PLEKHG4B: variants seen among roughly 807,000 people sequenced by gnomAD.
PLEKHG4B encodes the protein pleckstrin homology domain-containing family G member 4B.
PLEKHG4B carries 111 observed loss-of-function variants against 121.3 expected under a neutral mutation model. That is an observed-to-expected ratio of 0.92 (90% confidence interval 0.78 to 1.07). The LOEUF (loss-of-function observed/expected upper bound fraction) is 1.07, where lower values mean the gene tolerates loss of function less well. PLEKHG4B is among the 50% of genes least tolerant of loss of function. The pLI, the probability that PLEKHG4B is intolerant of heterozygous loss-of-function variation, is 0.00. For synonymous variants in PLEKHG4B, 738 were observed against 725.0 expected, an observed-to-expected ratio of 1.02 and a Z score of -0.29; for missense variants, 1,831 against 1,757.8, an observed-to-expected ratio of 1.04 and a Z score of -0.74.
At chr5:179,432 A>G (rs1579333876) in intron 18 of PLEKHG4B, 1 of 152,662 alleles carries the variant, frequency 6.6e-6, no homozygotes, top group Non-Finnish European at 1.5e-5. Flanking sequence ...GCACTGTCCC[A>G]CATGCTGAGG....
At position 159,215 on chromosome 5, in the gene PLEKHG4B, C is replaced by A. The variant is rs1279823730; in HGVS notation, c.2487+2304C>A. On this transcript the variant is annotated intron_variant, in intron 11 of 19. Coordinates refer to ENST00000637938, the MANE Select transcript of PLEKHG4B (RefSeq NM_052909.5). This position sits in a 1 kb window ranked among gnomAD's most constrained non-coding sequence, Gnocchi z 5.5. ...GTGCCTGAGGGTGGCCCAGGTGTGC[C>A]TGAGGGTCGCCCAGGTGCACTGAGG... is the stretch of plus-strand genomic sequence containing the variant. Among the ~76,000 whole-genome samples the A allele has an allele frequency of 8.2e-6, 1 of 122,008 alleles. No individual in the cohort carries two copies. The highest frequency in any genetic ancestry group is 1.7e-5 in the Non-Finnish European group (1 of 58,720). 80.0% of individuals were successfully genotyped at this position (122,008 alleles called of 152,430 possible).
intron 7 of PLEKHG4B, among the ~76,000 whole-genome samples, chr5:154,310 C>CTTTCTT (rs1050655195): frequency 6.6e-6 from 1 of 152,174 alleles, no homozygotes. Flanking sequence ...AGCCCCTTCC[C>CTTTCTT]TTTCTTTTTC....
At chr5:147,765 A>C (rs1185538179) in intron 6 of PLEKHG4B, among the ~76,000 whole-genome samples, 1 of 152,236 alleles carries the variant, frequency 6.6e-6, no homozygotes, top group Admixed American at 6.5e-5. Context: ...CTGATACTAA[A>C]GCCAGCCAAA....
intron 2 of PLEKHG4B, among the ~76,000 whole-genome samples, chr5:136,257 T>C (rs1390524271): frequency 1.3e-5 from 2 of 152,170 alleles, no homozygotes; most frequent in African/African-American, 4.8e-5. Flanking sequence ...TGACATCCAA[T>C]TTGGCAAAGA....
chr5:162,667 GCTCCAGGGCAGCCC>G, intron 12 of PLEKHG4B, 41 bp from the exon 13 acceptor site: 1 of 1,254,632 alleles, frequency 8.0e-7, no homozygotes, highest in South Asian at 2.7e-5. Context: ...GCCTGAGCTG[GCTCCAGGGCAGCCC>G]CTCCTCCACT....
chr5:136,050 C>T (rs1026767380), intron 2 of PLEKHG4B, among the ~76,000 whole-genome samples: 1 of 151,876 alleles, frequency 6.6e-6, no homozygotes, highest in Non-Finnish European at 1.5e-5. Flanking sequence ...TACAGGGGTG[C>T]CAAGACTATT....
intron 1 of PLEKHG4B, among the ~76,000 whole-genome samples, 186 bp downstream of exon 1, chr5:92,462 G>A (rs1733491585): frequency 8.2e-6 from 1 of 122,398 alleles, no homozygotes; most frequent in African/African-American, 3.2e-5. Context: ...TGGGGGCGCC[G>A]GGGTAGGGGC....
chr5:173,706 A>G lies in PLEKHG4B; in HGVS notation c.4222-212A>G, dbSNP rs992592254. 9.3e-4 allele frequency among the ~76,000 whole-genome samples: 141 copies of G among 152,020 alleles called. 1 individual carries two copies. The highest frequency in any genetic ancestry group is 3.8e-4 in the Non-Finnish European group (26 of 67,962). Reference sequence around the variant, plus strand: ...CTCACGAGCAGCCTCACACACACGGACAGCTATCCTGCACACAGGCACTCT... The same window carrying G: ...CTCACGAGCAGCCTCACACACACGGGCAGCTATCCTGCACACAGGCACTCT... On this transcript the variant is annotated intron_variant, in intron 17 of 19. Coordinates refer to ENST00000637938, the MANE Select transcript of PLEKHG4B (RefSeq NM_052909.5).
intron 11 of PLEKHG4B, among the ~76,000 whole-genome samples, chr5:158,522 T>A (rs181620412): frequency 2.2e-5 from 3 of 137,266 alleles, no homozygotes; most frequent in African/African-American, 8.3e-5. Flanking sequence ...CTCCTCCCTC[T>A]GCCCATCCCA....
rs748817758 is a variant in PLEKHG4B at position 171,462 on chromosome 5, T to A, written c.4050+18T>A. ...GCTGTGACGTAAGTGCCTCAGACGC[T>A]GGCAGCTCAGGCAAGCTGGGGGAAT... On this transcript the variant is annotated intron_variant, in intron 16 of 19. Coordinates refer to ENST00000637938, the MANE Select transcript of PLEKHG4B (RefSeq NM_052909.5). 2 of 1,560,676 alleles carry A rather than the reference T, an allele frequency of 1.3e-6. No homozygotes were observed. The highest frequency in any genetic ancestry group is 2.3e-5 in the South Asian group (2 of 87,788).
chr5:118,406 T>C (rs1734367330), intron 2 of PLEKHG4B, among the ~76,000 whole-genome samples: 1 of 152,220 alleles, frequency 6.6e-6, no homozygotes, highest in Non-Finnish European at 1.5e-5. Flanking sequence ...CCAGCAACTT[T>C]AGAATCCTTC....
At chr5:103,756 A>C (rs138749671) in intron 1 of PLEKHG4B, among the ~76,000 whole-genome samples, 162 of 152,340 alleles carry the variant, frequency 1.1e-3, no homozygotes, top group African/African-American at 3.8e-3. Flanking sequence ...ACAGTAATCT[A>C]TACAACAAAT....
intron 1 of PLEKHG4B, among the ~76,000 whole-genome samples, chr5:110,658 AAC>A (rs1297448891): frequency 6.6e-6 from 1 of 151,174 alleles, no homozygotes; most frequent in Non-Finnish European, 1.5e-5. Flanking sequence ...CACAATCTGC[AAC>A]ACACGTGCAC....
Position 130,061 on chromosome 5 carries a change from A to AAGAGAG in PLEKHG4B, c.244-9419_244-9414dup, listed in dbSNP as rs754535739. ...ATCCAGATGAGTCAGAGTGAATATG[A>AAGAGAG]AGAGAGAGTGAGAGAGAGAGAGAGA... is the stretch of plus-strand genomic sequence containing the variant. On this transcript the variant is annotated intron_variant, in intron 2 of 19. Transcript: ENST00000637938. Among the ~76,000 whole-genome samples, 806 of 150,450 alleles carry AAGAGAG rather than the reference A, an allele frequency of 5.4e-3. 9 individuals carry two copies. Among genetic ancestry groups the AAGAGAG allele is most frequent in the Middle Eastern group, 0.027 (8 of 292 alleles).
rs1223730122 is a variant in PLEKHG4B at position 139,530 on chromosome 5, C to T, written c.291C>T (p.Cys97=). The change falls in exon 3 of 20, where the codon TGC becomes TGT. Residue 97 remains cysteine, a synonymous_variant. Transcript: ENST00000637938. This position sits in a 1 kb window ranked among gnomAD's most constrained non-coding sequence, Gnocchi z 5.0. ...TCCTGCACCCAGGCTGGCCGCTGTG[C>T]GCCCATGAGAAGGTGGTGGTGCAGC... ...LVFLHPGWPL[C]AHEKVVVQLA... 14 of 398,962 alleles carry T rather than the reference C, an allele frequency of 3.5e-5. No individual in the cohort carries two copies. The highest frequency in any genetic ancestry group is 4.9e-5 in the Non-Finnish European group (11 of 226,158). 24.7% of individuals were successfully genotyped at this position (398,962 alleles called of 1,614,324 possible).
chr5:131,255 C>T (rs2126381814), intron 2 of PLEKHG4B, among the ~76,000 whole-genome samples: 1 of 152,238 alleles, frequency 6.6e-6, no homozygotes, highest in South Asian at 2.1e-4. Flanking sequence ...TGCTATCCCT[C>T]CCCTAGAACC....
chr5:163,243 T>C lies in PLEKHG4B; in HGVS notation c.3171T>C (p.Ser1057=). ...GATTAHLEDS[S]ACSSEPTQTL... is the part of the protein sequence containing the mutation. Reference sequence around the variant, plus strand: ...CCACGGCCCACCTGGAGGACAGCTCTGCCTGTTCCTCTGAGCCCACCCAGA... The same window carrying C: ...CCACGGCCCACCTGGAGGACAGCTCCGCCTGTTCCTCTGAGCCCACCCAGA... The change falls in exon 13 of 20, where the codon TCT becomes TCC. Residue 1057 remains serine, a synonymous_variant. Coordinates refer to ENST00000637938, the MANE Select transcript of PLEKHG4B (RefSeq NM_052909.5). 1 of 1,610,392 alleles carries C rather than the reference T, an allele frequency of 6.2e-7. No individual in the cohort carries two copies. The highest frequency in any genetic ancestry group is 8.5e-7 in the Non-Finnish European group (1 of 1,178,704).
At chr5:136,275 G>C (rs1450483878) in intron 2 of PLEKHG4B, among the ~76,000 whole-genome samples, 1 of 152,128 alleles carries the variant, frequency 6.6e-6, no homozygotes, top group Non-Finnish European at 1.5e-5. Context: ...AGATTTTTTA[G>C]ATATGACACC....
In PLEKHG4B at chr5:187,288, CA is replaced by C. The variant is rs1733656859; in HGVS notation, c.*4966del. On this transcript the variant is annotated 3_prime_UTR_variant, in exon 20 of 20. Coordinates refer to ENST00000637938, the MANE Select transcript of PLEKHG4B (RefSeq NM_052909.5). ...GCTGATCAGACGGGAGCCGCATCCCCATCACCTTCCAGAGAGACCTCTTCTT... is the reference window on the plus strand; with the variant it reads ...GCTGATCAGACGGGAGCCGCATCCCCTCACCTTCCAGAGAGACCTCTTCTT... 1 of 152,396 alleles carries C rather than the reference CA, an allele frequency of 6.6e-6. No individual in the cohort carries two copies. The highest frequency in any genetic ancestry group is 1.5e-5 in the Non-Finnish European group (1 of 68,160). The allele number at this position is 152,396 out of a possible 1,614,324, so 9.4% of individuals were successfully genotyped here. A position where few individuals can be genotyped will look rare whatever the true frequency, so the allele number is the denominator to read the frequency against.
Sources: gnomAD v4.1 joint callset for allele counts (sites outside exome capture counted in the v4.1 genomes callset) on GRCh38, gnomAD v4.1.1 for gene constraint, Gnocchi (gnomAD v3.1) non-coding constraint, MANE v1.5 for transcripts, NCBI Gene and HGNC (gene_info 2026-07-23, HGNC 2026-07-21) for gene names.